PTPRD: variants seen among roughly 807,000 people sequenced by gnomAD.
PTPRD encodes protein tyrosine phosphatase receptor type D, also known as receptor-type tyrosine-protein phosphatase delta.
Under a neutral mutation model 214.5 loss-of-function variants are expected in PTPRD, and 34 were observed. The observed-to-expected ratio is 0.16, with a 90% CI of 0.12 to 0.21. The LOEUF (loss-of-function observed/expected upper bound fraction) is 0.21, where lower values mean the gene tolerates loss of function less well. PTPRD is among the 10% of genes least tolerant of loss of function. The probability of loss-of-function intolerance (pLI) is 1.00; values close to 1 mark genes in which losing one functional copy is unlikely to be tolerated. For synonymous variants in PTPRD, 1,128 were observed against 845.7 expected (o/e 1.33, Z -5.79); for missense variants, 2,545 against 2,398.7 (o/e 1.06, Z -1.27).
intron 5 of PTPRD, among the ~76,000 whole-genome samples, chr9:9,809,955 C>G (rs1195480071): frequency 6.6e-6 from 1 of 151,908 alleles, no homozygotes; most frequent in Non-Finnish European, 1.5e-5. Context: ...ACACTTGGCC[C>G]ACATGGGTTT....
At chr9:10,136,079 C>T (rs1575260) in intron 3 of PTPRD, among the ~76,000 whole-genome samples, 18,626 of 151,258 alleles carry the variant, frequency 0.12, 1,285 homozygotes, top group South Asian at 0.26. Flanking sequence ...GAGCACAGGT[C>T]GATATTCTTA....
At chr9:9,131,817 G>C (rs926671008) in intron 10 of PTPRD, among the ~76,000 whole-genome samples, 17 of 152,060 alleles carry the variant, frequency 1.1e-4, no homozygotes, top group Admixed American at 3.3e-4. Flanking sequence ...TGTACGTAGT[G>C]GTTCATGTAG....
chr9:8,726,257 G>A (rs2098556061), intron 12 of PTPRD, among the ~76,000 whole-genome samples: 1 of 151,894 alleles, frequency 6.6e-6, no homozygotes, highest in Non-Finnish European at 1.5e-5. Flanking sequence ...GTAGGCAGGA[G>A]GGGATGGGGC....
intron 14 of PTPRD, among the ~76,000 whole-genome samples, chr9:8,541,365 G>T (rs557797280): frequency 2.0e-5 from 3 of 152,154 alleles, no homozygotes; most frequent in African/African-American, 7.2e-5. Context: ...GGGTAGCTGG[G>T]ACTACAGGCA....
chr9:9,128,305 G>A (rs562740736), intron 10 of PTPRD, among the ~76,000 whole-genome samples: 46 of 151,926 alleles, frequency 3.0e-4, no homozygotes, highest in Non-Finnish European at 4.9e-4. Flanking sequence ...TTAACCTTCC[G>A]AACTCATACA....
At chr9:10,561,228 T>C (rs1277831762) in intron 2 of PTPRD, among the ~76,000 whole-genome samples, 6 of 152,152 alleles carry the variant, frequency 3.9e-5, no homozygotes, top group Admixed American at 3.3e-4. Context: ...GACTTTTTCA[T>C]TTGAAAAGTA....
At chr9:9,483,580 G>A (rs1395455956) in intron 8 of PTPRD, among the ~76,000 whole-genome samples, 1 of 152,002 alleles carries the variant, frequency 6.6e-6, no homozygotes, top group African/African-American at 2.4e-5. Flanking sequence ...GTATTGGTTG[G>A]GAGATGGAGA....
At chr9:10,546,533 A>G (rs1424699055) in intron 2 of PTPRD, among the ~76,000 whole-genome samples, 1 of 151,986 alleles carries the variant, frequency 6.6e-6, no homozygotes, top group Non-Finnish European at 1.5e-5. Flanking sequence ...CTAGGAAAAT[A>G]TCAGGGTCTA....
intron 11 of PTPRD, among the ~76,000 whole-genome samples, chr9:8,792,318 T>C (rs925841008): frequency 6.6e-6 from 1 of 152,178 alleles, no homozygotes; most frequent in African/African-American, 2.4e-5. Context: ...AAGTCATCCA[T>C]AGGGGAAATG....
At chr9:8,441,466 C>G (rs2095544688) in intron 34 of PTPRD, among the ~76,000 whole-genome samples, 1 of 152,044 alleles carries the variant, frequency 6.6e-6, no homozygotes, top group African/African-American at 2.4e-5. Context: ...TCAATGTTGA[C>G]TCAAAATTTT....
At chr9:9,260,977 T>A (rs2099979865) in intron 9 of PTPRD, among the ~76,000 whole-genome samples, 1 of 151,864 alleles carries the variant, frequency 6.6e-6, no homozygotes, top group African/African-American at 2.4e-5. Flanking sequence ...ATCCTCTTTT[T>A]CATTGTACAT....
At chr9:9,415,810 A>G (rs1396312135) in intron 8 of PTPRD, among the ~76,000 whole-genome samples, 1 of 152,200 alleles carries the variant, frequency 6.6e-6, no homozygotes, top group East Asian at 1.9e-4. Flanking sequence ...TGTTTAGAAG[A>G]GCAAGAAAAG....
At chr9:8,511,442 T>TTA (rs1258511622) in intron 21 of PTPRD, among the ~76,000 whole-genome samples, 7 of 152,044 alleles carry the variant, frequency 4.6e-5, no homozygotes, top group African/African-American at 1.7e-4. Context: ...TTTTTTTTTT[T>TTA]AACCTTCACT....
chr9:10,153,610 A>T (rs1456652406), intron 3 of PTPRD, among the ~76,000 whole-genome samples: 1 of 151,988 alleles, frequency 6.6e-6, no homozygotes, highest in African/African-American at 2.4e-5. Flanking sequence ...ACTGTCACTG[A>T]GGTTTCTTGT....
chr9:10,491,920 G>T (rs2040399456), intron 2 of PTPRD, among the ~76,000 whole-genome samples: 1 of 152,056 alleles, frequency 6.6e-6, no homozygotes, highest in East Asian at 1.9e-4. Context: ...GTGTCCATGT[G>T]TTCTCATTGT....
At chr9:8,917,871 A>C (rs1408032026) in intron 11 of PTPRD, among the ~76,000 whole-genome samples, 1 of 152,206 alleles carries the variant, frequency 6.6e-6, no homozygotes, top group Non-Finnish European at 1.5e-5. Context: ...TTGCAGTTTC[A>C]CTTTAAAAGT....
chr9:9,913,115 T>A (rs1166662824), intron 5 of PTPRD, among the ~76,000 whole-genome samples: 2 of 149,556 alleles, frequency 1.3e-5, no homozygotes, highest in Non-Finnish European at 3.0e-5. Context: ...AGTGTGACAA[T>A]ATAGCTCCAA....
At chr9:10,607,180 A>T (rs2079630647) in intron 2 of PTPRD, among the ~76,000 whole-genome samples, 1 of 151,862 alleles carries the variant, frequency 6.6e-6, no homozygotes, top group Non-Finnish European at 1.5e-5. Flanking sequence ...TAGAGGTAAA[A>T]TATTTTTGCT....
chr9:9,099,397 G>A lies in PTPRD; in HGVS notation c.-142-80662C>T, dbSNP rs1410306971. Among the ~76,000 whole-genome samples the A allele has an allele frequency of 2.6e-5, 4 of 152,080 alleles. No individual in the cohort carries two copies. The East Asian group carries it at 7.7e-4, about 29-fold the overall frequency. On this transcript the variant is annotated intron_variant, in intron 10 of 45. Coordinates refer to ENST00000381196, the MANE Select transcript of PTPRD (RefSeq NM_002839.4). ...AATATACGAAACTGCCTTGTGTATTGCTAATCATGTTTGTCTTGAATAAGT... is the reference window on the plus strand; with the variant it reads ...AATATACGAAACTGCCTTGTGTATTACTAATCATGTTTGTCTTGAATAAGT...
Sources: allele counts gnomAD v4.1 joint callset (sites outside exome capture counted in the v4.1 genomes callset), GRCh38; gene constraint gnomAD v4.1.1; transcripts MANE v1.5; gene names NCBI Gene and HGNC (gene_info 2026-07-23, HGNC 2026-07-21).